Variants in CDKAL1 observed in about 807,000 individuals in gnomAD.
CDKAL1 encodes CDKAL1 threonylcarbamoyladenosine tRNA methylthiotransferase.
In CDKAL1, 32 loss-of-function variants were observed where a neutral mutation model predicts 68.2. The ratio of observed to expected loss-of-function variants is 0.47; its 90% confidence interval spans 0.35 to 0.63. The LOEUF (loss-of-function observed/expected upper bound fraction) is 0.63. Ranked by LOEUF, CDKAL1 falls within the 30% of genes least tolerant of loss-of-function variation. The pLI is 0.00. For missense variants in CDKAL1, 606 were observed against 696.7 expected (o/e 0.87, Z 1.47); for synonymous variants, 234 against 244.3 (o/e 0.96, Z 0.39).
intron 10 of CDKAL1, among the ~76,000 whole-genome samples, chr6:20,999,097 G>A (rs1401834368): frequency 6.6e-6 from 1 of 152,138 alleles, no homozygotes; most frequent in East Asian, 1.9e-4. Flanking sequence ...TAACAGATGT[G>A]AAAGTGCAAT....
intron 4 of CDKAL1, among the ~76,000 whole-genome samples, chr6:20,556,236 A>G (rs911963237): frequency 4.6e-5 from 7 of 152,030 alleles, no homozygotes; most frequent in Non-Finnish European, 1.0e-4. Context: ...ATGATAGTGC[A>G]TGCCTGTAAT....
chr6:20,777,446 C>G (rs1287471459), intron 7 of CDKAL1, among the ~76,000 whole-genome samples: 1 of 152,036 alleles, frequency 6.6e-6, no homozygotes, highest in African/African-American at 2.4e-5. Flanking sequence ...GACCTCATCT[C>G]TATAAAAAAA....
At chr6:21,195,265 C>A (rs1179647880) in intron 13 of CDKAL1, among the ~76,000 whole-genome samples, 1 of 151,954 alleles carries the variant, frequency 6.6e-6, no homozygotes, top group African/African-American at 2.4e-5. Flanking sequence ...CAGGTTCAAG[C>A]AATCCTCCCA....
At chr6:20,679,007 G>A (rs1770250812) in intron 5 of CDKAL1, among the ~76,000 whole-genome samples, 1 of 152,054 alleles carries the variant, frequency 6.6e-6, no homozygotes, top group Non-Finnish European at 1.5e-5. Flanking sequence ...TGGGCTCAAG[G>A]GATCTTCCCA....
At chr6:20,667,585 A>G (rs982112656) in intron 5 of CDKAL1, among the ~76,000 whole-genome samples, 8 of 152,138 alleles carry the variant, frequency 5.3e-5, no homozygotes, top group African/African-American at 1.9e-4. Context: ...CAAAGATACT[A>G]TCAAAGACCC....
chr6:20,901,762 A>C (rs1468504662), intron 9 of CDKAL1, among the ~76,000 whole-genome samples: 1 of 145,564 alleles, frequency 6.9e-6, no homozygotes, highest in Non-Finnish European at 1.5e-5. Context: ...TTTCTTTCCT[A>C]GTTGTTTTTT....
At chr6:20,603,725 G>A (rs1056825883) in intron 4 of CDKAL1, among the ~76,000 whole-genome samples, 10 of 150,902 alleles carry the variant, frequency 6.6e-5, no homozygotes, top group African/African-American at 2.5e-4. Flanking sequence ...AGTAGGAGAT[G>A]GCCAGGGACA....
At chr6:21,112,994 G>C (rs1439594450) in intron 13 of CDKAL1, among the ~76,000 whole-genome samples, 3 of 152,136 alleles carry the variant, frequency 2.0e-5, no homozygotes, top group Non-Finnish European at 4.4e-5. Context: ...GCAGGTAAAA[G>C]AGGGTAGTTA....
intron 14 of CDKAL1, among the ~76,000 whole-genome samples, chr6:21,199,154 G>T (rs1582403167): frequency 6.6e-6 from 1 of 152,214 alleles, no homozygotes; most frequent in Non-Finnish European, 1.5e-5. Context: ...GATGCTGAAG[G>T]CCAAGGTGGA....
intron 4 of CDKAL1, among the ~76,000 whole-genome samples, chr6:20,567,880 AT>A (rs554575543): frequency 8.2e-4 from 118 of 144,430 alleles, no homozygotes; most frequent in South Asian, 8.9e-4. Context: ...TGCCCAGCAA[AT>A]TTTTTTTTTT....
At chr6:21,221,660 A>G (rs527418844) in intron 15 of CDKAL1, among the ~76,000 whole-genome samples, 3 of 152,336 alleles carry the variant, frequency 2.0e-5, no homozygotes, top group South Asian at 2.1e-4. Context: ...GGTGGGGGGA[A>G]AAAAGCCTGT....
At chr6:20,672,839 C>T (rs571791881) in intron 5 of CDKAL1, among the ~76,000 whole-genome samples, 4 of 152,042 alleles carry the variant, frequency 2.6e-5, no homozygotes, top group South Asian at 4.1e-4. Flanking sequence ...TGCAATGGCA[C>T]GATCTTGGCT....
At chr6:20,649,860 C>T (rs1156341101) in intron 5 of CDKAL1, among the ~76,000 whole-genome samples, 1 of 152,178 alleles carries the variant, frequency 6.6e-6, no homozygotes, top group Non-Finnish European at 1.5e-5. Flanking sequence ...CGGATGACGG[C>T]TTCCAGCTCC....
chr6:20,779,371 T>C (rs1775314996), intron 7 of CDKAL1, among the ~76,000 whole-genome samples: 2 of 152,226 alleles, frequency 1.3e-5, no homozygotes, highest in African/African-American at 2.4e-5. Flanking sequence ...TAGCTGTTAA[T>C]TGGAAGCAAT....
chr6:20,991,706 CA>C (rs35504365), intron 10 of CDKAL1, among the ~76,000 whole-genome samples: 2,011 of 59,572 alleles, frequency 0.034, 20 homozygotes, highest in African/African-American at 0.098. Flanking sequence ...TATTCCCTCT[CA>C]AAAAAAAAAA....
chr6:20,971,798 C>T (rs552692264), intron 10 of CDKAL1, among the ~76,000 whole-genome samples: 1 of 152,224 alleles, frequency 6.6e-6, no homozygotes, highest in South Asian at 2.1e-4. Context: ...AAGGGAGCAC[C>T]ATTTTGAAGA....
intron 12 of CDKAL1, among the ~76,000 whole-genome samples, chr6:21,101,264 C>T (rs1363369771): frequency 6.6e-6 from 1 of 152,180 alleles, no homozygotes; most frequent in East Asian, 1.9e-4. Context: ...ACTAGTGTTT[C>T]TCATCTTTGG....
rs1033208533 is a variant in CDKAL1 at position 20,810,131 on chromosome 6, T to C, written c.638+28866T>C. ...ACTCTTTTAAACCATTATAGAACAC[T>C]TCAAACACATAGAAAGAGAAGATGG... On this transcript the variant is annotated intron_variant, in intron 8 of 15. Transcript: ENST00000274695. 5.3e-5 allele frequency among the ~76,000 whole-genome samples: 8 copies of C among 152,034 alleles called. No individual in the cohort carries two copies. The South Asian group carries it at 6.2e-4, about 12-fold the overall frequency.
intron 13 of CDKAL1, among the ~76,000 whole-genome samples, chr6:21,137,491 G>A (rs545561184): frequency 6.6e-6 from 1 of 152,268 alleles, no homozygotes; most frequent in South Asian, 2.1e-4. Context: ...AAAAAGCCCT[G>A]AAACAATGGG....
Sources: gnomAD v4.1 joint callset for allele counts (sites outside exome capture counted in the v4.1 genomes callset) on GRCh38, gnomAD v4.1.1 for gene constraint, MANE v1.5 for transcripts, NCBI Gene and HGNC (gene_info 2026-07-23, HGNC 2026-07-21) for gene names.